Variants in RANBP2 observed in about 807,000 individuals in gnomAD.
RANBP2 encodes the protein E3 SUMO-protein ligase RanBP2.
A neutral mutation model predicts 303.6 loss-of-function variants in RANBP2; 57 were observed. The observed-to-expected ratio is 0.19, with a 90% confidence interval of 0.15 to 0.23. The LOEUF is 0.23. Ranked by LOEUF, RANBP2 falls within the 10% of genes least tolerant of loss-of-function variation. The pLI is 1.00. For synonymous variants in RANBP2, 1,167 were observed against 1,301.5 expected (o/e 0.90, Z 2.23); for missense variants, 3,138 against 3,780.8 (o/e 0.83, Z 4.46).
the RANBP2 span, among the ~76,000 whole-genome samples, chr2:109,694,169 A>G: frequency 6.6e-6 from 1 of 152,124 alleles, no homozygotes; most frequent in Non-Finnish European, 1.5e-5. Flanking sequence ...TGGATTTCTC[A>G]TGAATGGCTT....
At chr2:109,047,690 A>C in the RANBP2 span, among the ~76,000 whole-genome samples, 16 of 152,290 alleles carry the variant, frequency 1.1e-4, no homozygotes, top group African/African-American at 3.8e-4. Context: ...GGCACCTGTA[A>C]TCCCAGCTAC....
At chr2:108,772,645 C>A in intron 22 of RANBP2, 64 bp downstream of exon 22, 2 of 1,459,648 alleles carry the variant, frequency 1.4e-6, no homozygotes, top group Non-Finnish European at 1.9e-6. Flanking sequence ...AAGGAATAAC[C>A]TAGTCTGATA....
chr2:109,027,058 G>A, the RANBP2 span, among the ~76,000 whole-genome samples: 19 of 152,172 alleles, frequency 1.2e-4, no homozygotes, highest in East Asian at 2.7e-3. Flanking sequence ...AGCTTGGTGC[G>A]TGGTGAAATC....
the RANBP2 span, among the ~76,000 whole-genome samples, chr2:108,797,712 T>C: frequency 1.2e-4 from 19 of 152,214 alleles, no homozygotes; most frequent in African/African-American, 4.6e-4. Flanking sequence ...GAGAAAGAGA[T>C]TGATGTTTTC....
At chr2:108,946,792 A>T in the RANBP2 span, among the ~76,000 whole-genome samples, 15 of 151,992 alleles carry the variant, frequency 9.9e-5, no homozygotes, top group African/African-American at 3.6e-4. Flanking sequence ...ATCACCTCCC[A>T]CCATGTTTCT....
chr2:108,857,322 G>T, the RANBP2 span, among the ~76,000 whole-genome samples: 1 of 152,084 alleles, frequency 6.6e-6, no homozygotes, highest in East Asian at 1.9e-4. Context: ...GGCAGCCTCG[G>T]CCTCCCAAAG....
the RANBP2 span, among the ~76,000 whole-genome samples, chr2:108,818,714 CTGTT>C: frequency 1.3e-5 from 2 of 152,026 alleles, no homozygotes; most frequent in Non-Finnish European, 2.9e-5. Flanking sequence ...TTATCGGACT[CTGTT>C]AACCACTTGG....
the RANBP2 span, among the ~76,000 whole-genome samples, chr2:109,247,109 G>C: frequency 6.6e-6 from 1 of 152,186 alleles, no homozygotes; most frequent in South Asian, 2.1e-4. Context: ...TTGGGGAATT[G>C]TAATCCCATG....
chr2:109,353,892 C>G, the RANBP2 span, among the ~76,000 whole-genome samples: 1 of 152,130 alleles, frequency 6.6e-6, no homozygotes, highest in Non-Finnish European at 1.5e-5. Flanking sequence ...CTCAGACCCC[C>G]TGAGGGGCCC....
the RANBP2 span, chr2:109,432,573 G>A: frequency 6.2e-7 from 1 of 1,613,548 alleles, no homozygotes; most frequent in African/African-American, 1.3e-5. Context: ...AGATGTACCG[G>A]GTCCTCGAGA....
chr2:108,823,084 C>T, the RANBP2 span, among the ~76,000 whole-genome samples: 3 of 152,090 alleles, frequency 2.0e-5, no homozygotes, highest in African/African-American at 4.8e-5. Flanking sequence ...CACAGCTTTC[C>T]AAGACTGAAT....
At chr2:109,134,433 A>G in the RANBP2 span, among the ~76,000 whole-genome samples, 2 of 152,220 alleles carry the variant, frequency 1.3e-5, no homozygotes, top group Non-Finnish European at 2.9e-5. Context: ...CCTGTTCAGA[A>G]GGCCCCTGAG....
the RANBP2 span, among the ~76,000 whole-genome samples, chr2:109,388,041 C>T: frequency 6.6e-6 from 1 of 152,196 alleles, no homozygotes; most frequent in African/African-American, 2.4e-5. Context: ...TCCTGTTCAG[C>T]CCTCACAGCC....
At chr2:108,845,379 C>T in the RANBP2 span, among the ~76,000 whole-genome samples, 1 of 152,008 alleles carries the variant, frequency 6.6e-6, no homozygotes, top group African/African-American at 2.4e-5. Context: ...AAAACTTATC[C>T]ACATTGCAGG....
chr2:109,099,024 G>A, the RANBP2 span, among the ~76,000 whole-genome samples: 2 of 152,192 alleles, frequency 1.3e-5, no homozygotes, highest in Admixed American at 6.5e-5. Flanking sequence ...GGCTAGCCAC[G>A]CAGTAGGTTT....
At chr2:109,237,676 C>A in the RANBP2 span, among the ~76,000 whole-genome samples, 3 of 152,010 alleles carry the variant, frequency 2.0e-5, no homozygotes, top group Admixed American at 6.6e-5. Context: ...GACGGTTCTT[C>A]CAGTGTGGCC....
chr2:109,272,398 G>A, the RANBP2 span, among the ~76,000 whole-genome samples: 1 of 152,242 alleles, frequency 6.6e-6, no homozygotes, highest in East Asian at 1.9e-4. Flanking sequence ...GGCACCATGA[G>A]GGCAAGCACG....
the RANBP2 span, among the ~76,000 whole-genome samples, chr2:109,137,661 A>G: frequency 6.6e-6 from 1 of 152,238 alleles, no homozygotes; most frequent in Admixed American, 6.5e-5. Flanking sequence ...GAACCCAGAG[A>G]TACTGGAGAG....
chr2:109,374,933 C>G, the RANBP2 span, among the ~76,000 whole-genome samples: 1 of 152,240 alleles, frequency 6.6e-6, no homozygotes, highest in East Asian at 1.9e-4. Flanking sequence ...CAGTGCTCTC[C>G]CTCCGTGGTT....
Sources: allele counts gnomAD v4.1 joint callset (sites outside exome capture counted in the v4.1 genomes callset), GRCh38; gene constraint gnomAD v4.1.1; transcripts MANE v1.5; gene names NCBI Gene and HGNC (gene_info 2026-07-23, HGNC 2026-07-21).